Variants in CNKSR3 observed in about 807,000 individuals in gnomAD.
CNKSR3 encodes CNKSR family member 3.
Under a neutral mutation model 67.7 loss-of-function variants are expected in CNKSR3, and 36 were observed. The ratio of observed to expected loss-of-function variants is 0.53; its 90% CI spans 0.41 to 0.70. CNKSR3 has a LOEUF of 0.70. Among genes scored for constraint, CNKSR3 ranks in the 30% least tolerant of loss-of-function variants. The pLI, the probability that CNKSR3 is intolerant of heterozygous loss-of-function variation, is 0.00. For synonymous variants in CNKSR3, 281 were observed against 271.4 expected (o/e 1.04, Z -0.35); for missense variants, 630 against 695.2 (o/e 0.91, Z 1.05).
chr6:154,437,689 T>C (rs999034891), intron 4 of CNKSR3, among the ~76,000 whole-genome samples: 3 of 152,164 alleles, frequency 2.0e-5, no homozygotes, highest in Admixed American at 6.5e-5. Context: ...GTTCAGGGAT[T>C]ATAGGCGTGA....
At chr6:154,418,603 C>T (rs1394947239) in intron 9 of CNKSR3, among the ~76,000 whole-genome samples, 1 of 152,136 alleles carries the variant, frequency 6.6e-6, no homozygotes, top group Non-Finnish European at 1.5e-5. Context: ...ATTTGACAGG[C>T]ACTCCATCAA....
chr6:154,509,889 A>T (rs914938370), intron 1 of CNKSR3, among the ~76,000 whole-genome samples, 174 bp downstream of exon 1: 7 of 152,158 alleles, frequency 4.6e-5, no homozygotes, highest in Non-Finnish European at 8.8e-5. Flanking sequence ...AAGAGCTCGG[A>T]GCAGGTACGA....
chr6:154,417,164 G>A (rs1785041670), intron 9 of CNKSR3, among the ~76,000 whole-genome samples: 1 of 152,036 alleles, frequency 6.6e-6, no homozygotes, highest in South Asian at 2.1e-4. Flanking sequence ...TTGTCACCAC[G>A]CAGGTTCCCT....
chr6:154,467,246 T>A (rs1786223434), intron 1 of CNKSR3, among the ~76,000 whole-genome samples: 1 of 152,120 alleles, frequency 6.6e-6, no homozygotes, highest in South Asian at 2.1e-4. Context: ...GTTTCTTGTT[T>A]TGGAGAGGCA....
rs746928374 is a variant in CNKSR3 at position 154,510,049 on chromosome 6, C to T, written c.52+14G>A. On this transcript the variant is annotated intron_variant, in intron 1 of 12. Transcript: ENST00000607772. ...GAGGCTGGAGGACTCCGGACCCCCCCAAGGCCCGCGCACCTCTAGTCCAGT... is the reference window on the plus strand; with the variant it reads ...GAGGCTGGAGGACTCCGGACCCCCCTAAGGCCCGCGCACCTCTAGTCCAGT... 3.1e-6 allele frequency: 5 copies of T among 1,614,042 alleles called. No homozygotes were observed. The highest frequency in any genetic ancestry group is 4.2e-6 in the Non-Finnish European group (5 of 1,179,946).
chr6:154,455,428 T>G (rs561056598), intron 1 of CNKSR3, among the ~76,000 whole-genome samples: 1 of 151,956 alleles, frequency 6.6e-6, no homozygotes, highest in South Asian at 2.1e-4. Context: ...GACAAAGAGC[T>G]CCACATAAAT....
At chr6:154,478,775 TA>T (rs1372984421) in intron 1 of CNKSR3, among the ~76,000 whole-genome samples, 3 of 152,214 alleles carry the variant, frequency 2.0e-5, no homozygotes, top group Non-Finnish European at 4.4e-5. Flanking sequence ...CTTCCCCCTG[TA>T]AAACTATCTT....
intron 5 of CNKSR3, among the ~76,000 whole-genome samples, chr6:154,431,470 A>C (rs1394176332): frequency 6.6e-6 from 1 of 151,724 alleles, no homozygotes; most frequent in African/African-American, 2.4e-5. Context: ...AAGCCACCAA[A>C]AACAAATTAT....
chr6:154,502,387 GGGTTTCACCATGTTGGCCA>G (rs1730432608), intron 1 of CNKSR3, among the ~76,000 whole-genome samples: 1 of 151,204 alleles, frequency 6.6e-6, no homozygotes, highest in Non-Finnish European at 1.5e-5. Flanking sequence ...AGTAGAGACG[GGGTTTCACCATGTTGGCCA>G]GGCTGGTCTC....
chr6:154,465,555 G>A (rs1446884336), intron 1 of CNKSR3, among the ~76,000 whole-genome samples: 1 of 152,064 alleles, frequency 6.6e-6, no homozygotes, highest in Non-Finnish European at 1.5e-5. Flanking sequence ...CAGCCTCGCC[G>A]AGCCTGGCTC....
At position 154,398,400 on chromosome 6, in the gene CNKSR3, C is replaced by G. The variant is rs779822898; in HGVS notation, c.*7954G>C. 6.6e-6 allele frequency: 1 copy of G among 152,206 alleles called. No individual in the cohort carries two copies. Among genetic ancestry groups the G allele is most frequent in the Non-Finnish European group, 1.5e-5 (1 of 68,030 alleles). The allele number at this position is 152,206 out of a possible 1,614,324, so 9.4% of individuals were successfully genotyped here. On this transcript the variant is annotated 3_prime_UTR_variant, in exon 13 of 13. Coordinates refer to ENST00000607772, the MANE Select transcript of CNKSR3 (RefSeq NM_173515.4). ...AACCATTTTTTACTTCCCTTTGTCT[C>G]TCCCATAGCTTCTCTTTCCTTTTCA...
chr6:154,482,589 C>G (rs1422819676), intron 1 of CNKSR3, among the ~76,000 whole-genome samples: 1 of 152,122 alleles, frequency 6.6e-6, no homozygotes, highest in Admixed American at 6.5e-5. Context: ...CAGATTCAAA[C>G]TGTGCAGAAA....
chr6:154,507,784 T>C lies in CNKSR3; in HGVS notation c.52+2279A>G, dbSNP rs560542699. On this transcript the variant is annotated intron_variant, in intron 1 of 12. Transcript: ENST00000607772. ...GTATTGAGCCAGCCATAGATGTTCT[T>C]TCAGGTCAGGAGAAAACTTTTCCTA... Among the ~76,000 whole-genome samples the C allele has an allele frequency of 3.3e-5, 5 of 152,328 alleles. No individual in the cohort carries two copies. The East Asian group carries it at 9.6e-4, about 29-fold the overall frequency.
chr6:154,442,138 C>A lies in CNKSR3; in HGVS notation c.369G>T (p.Ser123=), dbSNP rs757446777. The A allele has an allele frequency of 1.2e-6, 2 of 1,613,646 alleles. No individual in the cohort carries two copies. The highest frequency in any genetic ancestry group is 1.7e-5 in the Admixed American group (1 of 60,018). Residue 123 remains serine, a synonymous_variant, in exon 3 of 13, where the codon TCG becomes TCT. Transcript: ENST00000607772. The stretch of plus-strand genomic sequence containing the variant: ...TGGCGGCGCCGATGAGCTCCACCAC[C>A]GAGGTCAGGAACTCATTGGGGGCCT... ...SRKAPNEFLT[S]VVELIGAAKA...
At chr6:154,496,881 C>T (rs1786888559) in intron 1 of CNKSR3, among the ~76,000 whole-genome samples, 1 of 152,172 alleles carries the variant, frequency 6.6e-6, no homozygotes, top group Non-Finnish European at 1.5e-5. Context: ...ACTTACCCAC[C>T]TAAGTGCCTC....
chr6:154,447,334 T>G (rs543186556), intron 2 of CNKSR3, among the ~76,000 whole-genome samples: 7 of 152,262 alleles, frequency 4.6e-5, no homozygotes, highest in African/African-American at 1.7e-4. Flanking sequence ...TTAGTTGATT[T>G]TCATTTAGAC....
chr6:154,485,717 GAGA>G (rs1452569324), intron 1 of CNKSR3, among the ~76,000 whole-genome samples: 2 of 152,178 alleles, frequency 1.3e-5, no homozygotes, highest in African/African-American at 4.8e-5. Context: ...AAAGTCCCTT[GAGA>G]AGTTTGAGAC....
rs201773236 is a variant in CNKSR3, at chr6:154,450,110, G to A, written c.201C>T (p.Asp67=). Residue 67 remains aspartate, a synonymous_variant, in exon 2 of 13, where the codon GAC becomes GAT. Coordinates refer to ENST00000607772, the MANE Select transcript of CNKSR3 (RefSeq NM_173515.4). ...GHQELVLEAV[D]LLCALNYGLE... is the part of the protein sequence containing the mutation. The stretch of plus-strand genomic sequence containing the variant: ...CTGAACTAACCAGTGCACAGAGAAG[G>A]TCCACAGCCTCCAACACAAGCTCCT... The A allele has an allele frequency of 6.2e-7, 1 of 1,614,130 alleles. No individual in the cohort carries two copies. The highest frequency in any genetic ancestry group is 8.5e-7 in the Non-Finnish European group (1 of 1,180,014).
chr6:154,499,989 C>T (rs184387081), intron 1 of CNKSR3, among the ~76,000 whole-genome samples: 2 of 152,144 alleles, frequency 1.3e-5, no homozygotes, highest in African/African-American at 4.8e-5. Flanking sequence ...TGTACAGAGT[C>T]GTTTCCTAAA....
Sources: allele counts gnomAD v4.1 joint callset (sites outside exome capture counted in the v4.1 genomes callset), GRCh38; gene constraint gnomAD v4.1.1; transcripts MANE v1.5; gene names NCBI Gene and HGNC (gene_info 2026-07-23, HGNC 2026-07-21).